ACBD6: variants seen among roughly 807,000 people sequenced by gnomAD.
ACBD6 encodes the protein acyl-CoA-binding domain-containing protein 6.
Under a neutral mutation model 37.2 loss-of-function variants are expected in ACBD6, and 28 were observed. The observed-to-expected ratio is 0.75, with a 90% confidence interval of 0.56 to 1.03. The LOEUF (loss-of-function observed/expected upper bound fraction) is 1.03. ACBD6 is among the 50% of genes least tolerant of loss of function. The pLI, the probability that ACBD6 is intolerant of heterozygous loss-of-function variation, is 0.00. For synonymous variants in ACBD6, 113 were observed against 126.8 expected, an observed-to-expected ratio of 0.89 and a Z score of 0.73; for missense variants, 340 against 337.4, an observed-to-expected ratio of 1.01 and a Z score of -0.06.
intron 7 of ACBD6, among the ~76,000 whole-genome samples, chr1:180,311,948 G>C (rs80297068): frequency 0.011 from 1,735 of 152,262 alleles, 40 homozygotes; most frequent in African/African-American, 0.039. Context: ...TTCTCACATT[G>C]TCATGTTGGA....
At chr1:180,388,062 G>C (rs1029614609) in intron 6 of ACBD6, among the ~76,000 whole-genome samples, 6 of 151,950 alleles carry the variant, frequency 3.9e-5, no homozygotes, top group Admixed American at 3.3e-4. Flanking sequence ...TGTAGTCCCA[G>C]CTACTCGGGA....
chr1:180,434,620 CTT>C (rs781061735), intron 3 of ACBD6, among the ~76,000 whole-genome samples: 17 of 152,186 alleles, frequency 1.1e-4, no homozygotes, highest in Non-Finnish European at 2.4e-4. Flanking sequence ...TAGATAATAA[CTT>C]AACTCTCAAC....
chr1:180,401,861 G>C (rs1488606409), intron 5 of ACBD6, among the ~76,000 whole-genome samples: 2 of 151,436 alleles, frequency 1.3e-5, no homozygotes, highest in Non-Finnish European at 2.9e-5. Flanking sequence ...AATGAGTCTT[G>C]ATGTTCTTAT....
At chr1:180,333,419 C>A (rs562891908) in intron 6 of ACBD6, among the ~76,000 whole-genome samples, 2 of 152,200 alleles carry the variant, frequency 1.3e-5, no homozygotes, top group South Asian at 4.1e-4. Flanking sequence ...ATGAAAAAGG[C>A]AAATAATGTC....
intron 6 of ACBD6, among the ~76,000 whole-genome samples, chr1:180,319,172 A>G (rs1055977419): frequency 2.5e-4 from 38 of 152,356 alleles, no homozygotes; most frequent in African/African-American, 9.1e-4. Flanking sequence ...GGCACAACAC[A>G]TACTTTATGT....
chr1:180,370,638 T>G (rs1280416363), intron 6 of ACBD6, among the ~76,000 whole-genome samples: 2 of 152,184 alleles, frequency 1.3e-5, no homozygotes, highest in Non-Finnish European at 2.9e-5. Context: ...TATTCACATA[T>G]ATCATTCTCC....
chr1:180,271,662 T>G lies in ACBD6; in HGVS notation c.*1563A>C, dbSNP rs1239295304. On this transcript the variant is annotated 3_prime_UTR_variant, in exon 14 of 14. Transcript: ENST00000642319. ...TTGACCCCAGGGCTTTTGCCAGAAC[T>G]GAAGACAGAGTTCTGAGGCCCACCT... 4 of 1,378,994 alleles carry G rather than the reference T, an allele frequency of 2.9e-6. No individual in the cohort carries two copies. The African/African-American group carries it at 5.7e-5, about 20-fold the overall frequency. 85.4% of individuals were successfully genotyped at this position (1,378,994 alleles called of 1,614,324 possible). A position where few individuals can be genotyped will look rare whatever the true frequency, so the allele number is the denominator to read the frequency against.
intron 7 of ACBD6, among the ~76,000 whole-genome samples, chr1:180,296,566 ATT>A (rs1649927199): frequency 6.6e-6 from 1 of 151,976 alleles, no homozygotes; most frequent in African/African-American, 2.4e-5. Flanking sequence ...AGTAGGTGAG[ATT>A]ACTGGCCATG....
At chr1:180,394,361 A>T (rs1009499410) in intron 6 of ACBD6, among the ~76,000 whole-genome samples, 2 of 151,644 alleles carry the variant, frequency 1.3e-5, no homozygotes, top group African/African-American at 4.8e-5. Context: ...AAGTGCTAGA[A>T]TTACAGGCAT....
rs140128215 is a variant in ACBD6, at chr1:180,461,287, G to A, written c.384+30982C>T. On this transcript the variant is annotated intron_variant, in intron 3 of 7. Coordinates refer to ENST00000367595, the MANE Select transcript of ACBD6 (RefSeq NM_032360.4). ...AAATCTATGACTGACTGGTGTACCC[G>A]AAAGAGCTAGGGAGAAGGGAACCAA... Among the ~76,000 whole-genome samples the A allele has an allele frequency of 5.7e-3, 866 of 152,292 alleles. 8 individuals are homozygous for A. Among genetic ancestry groups the A allele is most frequent in the Non-Finnish European group, 9.8e-3 (664 of 68,022 alleles).
At position 180,299,010 on chromosome 1, in the gene ACBD6, T is replaced by C. The variant is rs1360898670; in HGVS notation, c.695-10493A>G. Among the ~76,000 whole-genome samples the C allele has an allele frequency of 3.3e-5, 5 of 152,160 alleles. No homozygotes were observed. The East Asian group carries it at 5.8e-4, about 18-fold the overall frequency. ...TTAGCACAGAGCCTACTTGCACATA[T>C]AGTTGCCCAACAAATAGTTGTTGAA... is the stretch of plus-strand genomic sequence containing the variant. On this transcript the variant is annotated intron_variant, in intron 7 of 7. Coordinates refer to ENST00000367595, the MANE Select transcript of ACBD6 (RefSeq NM_032360.4).
intron 7 of ACBD6, among the ~76,000 whole-genome samples, chr1:180,306,330 C>A (rs1280217373): frequency 6.6e-6 from 1 of 151,908 alleles, no homozygotes; most frequent in East Asian, 1.9e-4. Context: ...ACAGTTCACA[C>A]CTATGTTGTT....
intron 6 of ACBD6, among the ~76,000 whole-genome samples, chr1:180,390,680 G>C (rs112362558): frequency 6.6e-6 from 1 of 152,010 alleles, no homozygotes; most frequent in South Asian, 2.1e-4. Flanking sequence ...TTATTTCATC[G>C]AGCAGTGGTT....
At chr1:180,272,286 C>G (rs1328804232) in intron 13 of ACBD6, among the ~76,000 whole-genome samples, 1 of 152,156 alleles carries the variant, frequency 6.6e-6, no homozygotes, top group Non-Finnish European at 1.5e-5. Flanking sequence ...ACTGGGGCCT[C>G]CCTCATCAGC....
chr1:180,421,680 T>C (rs1275028164), intron 4 of ACBD6, among the ~76,000 whole-genome samples: 2 of 152,150 alleles, frequency 1.3e-5, no homozygotes, highest in Non-Finnish European at 2.9e-5. Context: ...TTTGACTTTT[T>C]AATAACAGCC....
At chr1:180,326,745 A>C (rs990875517) in intron 6 of ACBD6, among the ~76,000 whole-genome samples, 1 of 152,062 alleles carries the variant, frequency 6.6e-6, no homozygotes, top group African/African-American at 2.4e-5. Context: ...TTGAGGACCC[A>C]AGGGCTCTTT....
At chr1:180,402,673 G>A (rs1379808851) in intron 5 of ACBD6, among the ~76,000 whole-genome samples, 1 of 151,900 alleles carries the variant, frequency 6.6e-6, no homozygotes, top group Non-Finnish European at 1.5e-5. Flanking sequence ...CACTTCTGTA[G>A]TCCCAGCTAC....
At chr1:180,351,581 C>T (rs535501202) in intron 6 of ACBD6, among the ~76,000 whole-genome samples, 33 of 92,646 alleles carry the variant, frequency 3.6e-4, no homozygotes, top group African/African-American at 1.3e-3. Flanking sequence ...CCCGATATTA[C>T]GTTTTTTTTT....
At chr1:180,343,639 TTA>T (rs1395162030) in intron 6 of ACBD6, among the ~76,000 whole-genome samples, 1 of 152,256 alleles carries the variant, frequency 6.6e-6, no homozygotes, top group East Asian at 1.9e-4. Context: ...TTTAACTGTA[TTA>T]TGTTTGTGTT....
Sources: allele counts gnomAD v4.1 joint callset (sites outside exome capture counted in the v4.1 genomes callset), GRCh38; gene constraint gnomAD v4.1.1; transcripts MANE v1.5; gene names NCBI Gene and HGNC (gene_info 2026-07-23, HGNC 2026-07-21).